Variants in SNX9 observed in about 807,000 individuals in gnomAD.
SNX9 encodes the protein sorting nexin-9.
A neutral mutation model predicts 89.4 loss-of-function variants in SNX9; 44 were observed. The observed-to-expected ratio is 0.49, with a 90% confidence interval of 0.39 to 0.63. SNX9 has a LOEUF of 0.63. SNX9 is among the 30% of genes least tolerant of loss of function. The pLI is 0.00. For missense variants in SNX9, 578 were observed against 736.1 expected (o/e 0.79, Z 2.49); for synonymous variants, 236 against 247.8 (o/e 0.95, Z 0.45).
At chr6:157,902,094 A>C (rs1783112098) in intron 6 of SNX9, 49 bp downstream of exon 6, 1 of 1,580,622 alleles carries the variant, frequency 6.3e-7, no homozygotes, top group South Asian at 1.2e-5. Context: ...AGAAGTATAC[A>C]TTAATACAAA....
chr6:157,923,596 A>G (rs1245137691), intron 10 of SNX9, among the ~76,000 whole-genome samples: 1 of 152,236 alleles, frequency 6.6e-6, no homozygotes, highest in African/African-American at 2.4e-5. Flanking sequence ...TGGACTGGAA[A>G]CAATAAAGAT....
intron 4 of SNX9, among the ~76,000 whole-genome samples, chr6:157,887,041 T>G (rs965976243): frequency 6.6e-6 from 1 of 152,214 alleles, no homozygotes; most frequent in African/African-American, 2.4e-5. Context: ...TTTCCTTGCT[T>G]CTTTTCATGT....
At chr6:157,840,539 T>C (rs1168000290) in intron 1 of SNX9, among the ~76,000 whole-genome samples, 1 of 152,070 alleles carries the variant, frequency 6.6e-6, no homozygotes, top group Non-Finnish European at 1.5e-5. Context: ...AGCTTGCCTT[T>C]ATTACCCAAA....
intron 1 of SNX9, among the ~76,000 whole-genome samples, chr6:157,828,304 A>AT (rs1273102537): frequency 6.6e-6 from 1 of 152,168 alleles, no homozygotes; most frequent in Admixed American, 6.5e-5. Context: ...AAGCATAAAA[A>AT]TGTTGCAGTT....
intron 11 of SNX9, among the ~76,000 whole-genome samples, chr6:157,928,112 A>G (rs1007006648): frequency 2.0e-5 from 3 of 152,196 alleles, no homozygotes; most frequent in African/African-American, 4.8e-5. Flanking sequence ...TTCATCTAAC[A>G]GTATATTGTG....
At chr6:157,864,931 G>A (rs776803526) in intron 1 of SNX9, among the ~76,000 whole-genome samples, 24 of 152,226 alleles carry the variant, frequency 1.6e-4, no homozygotes, top group Non-Finnish European at 2.9e-4. Context: ...GGGAGGCTGA[G>A]GCAGGAGAAT....
At chr6:157,836,052 C>T (rs1781576799) in intron 1 of SNX9, among the ~76,000 whole-genome samples, 1 of 152,198 alleles carries the variant, frequency 6.6e-6, no homozygotes, top group African/African-American at 2.4e-5. Context: ...CTGCCTCAGC[C>T]TCCCAAGTAG....
chr6:157,899,892 A>AGTGTGTGTGTGTGT (rs112378365), intron 5 of SNX9, among the ~76,000 whole-genome samples: 52 of 151,808 alleles, frequency 3.4e-4, no homozygotes, highest in African/African-American at 1.2e-3. Context: ...TGATTACCTA[A>AGTGTGTGTGTGTGT]GTGTGTGTGT....
At chr6:157,865,460 G>A (rs954509375) in intron 1 of SNX9, among the ~76,000 whole-genome samples, 6 of 151,704 alleles carry the variant, frequency 4.0e-5, no homozygotes, top group African/African-American at 1.5e-4. Context: ...CCTGAGGGGA[G>A]CCGTCCTGCT....
intron 15 of SNX9, 51 bp from the exon 16 acceptor site, chr6:157,938,582 A>T (rs762567786): frequency 1.6e-6 from 2 of 1,214,484 alleles, no homozygotes; most frequent in African/African-American, 1.5e-5. Context: ...TTTTAAACTA[A>T]TGACTAATCA....
chr6:157,889,520 A>G (rs1782812523), intron 4 of SNX9, among the ~76,000 whole-genome samples: 1 of 152,136 alleles, frequency 6.6e-6, no homozygotes, highest in African/African-American at 2.4e-5. Flanking sequence ...GGTTTTGAAA[A>G]AAGTCAAGAT....
chr6:157,834,535 A>G (rs928105291), intron 1 of SNX9, among the ~76,000 whole-genome samples: 1 of 149,746 alleles, frequency 6.7e-6, no homozygotes, highest in Non-Finnish European at 1.5e-5. Flanking sequence ...TTTTTTCTTT[A>G]GTAGAATTGA....
chr6:157,847,672 G>A (rs537651070), intron 1 of SNX9, among the ~76,000 whole-genome samples: 1 of 152,124 alleles, frequency 6.6e-6, no homozygotes, highest in East Asian at 1.9e-4. Flanking sequence ...CGTGGGCCCA[G>A]GAAGGAGGGA....
intron 10 of SNX9, 93 bp from the exon 11 acceptor site, chr6:157,927,012 GAAAGAT>G: frequency 1.2e-6 from 1 of 852,224 alleles, no homozygotes; most frequent in Non-Finnish European, 1.9e-6. Context: ...CTGAAAATTA[GAAAGAT>G]AAAGGTGATA....
At chr6:157,922,343 C>G (rs1783600092) in intron 10 of SNX9, among the ~76,000 whole-genome samples, 1 of 152,236 alleles carries the variant, frequency 6.6e-6, no homozygotes, top group South Asian at 2.1e-4. Context: ...CAATTTCTCT[C>G]AACAAATACT....
At chr6:157,928,826 G>T in intron 12 of SNX9, 124 bp downstream of exon 12, 1 of 660,516 alleles carries the variant, frequency 1.5e-6, no homozygotes. Context: ...CGGCAGTAAT[G>T]TCCCTCCTGT....
intron 9 of SNX9, among the ~76,000 whole-genome samples, chr6:157,920,819 A>G (rs1783568023): frequency 1.3e-5 from 2 of 152,184 alleles, no homozygotes; most frequent in African/African-American, 4.8e-5. Flanking sequence ...TTGTTATGCT[A>G]TTCTTGTCAA....
chr6:157,886,123 G>T (rs1782731479), intron 4 of SNX9, among the ~76,000 whole-genome samples: 1 of 151,808 alleles, frequency 6.6e-6, no homozygotes, highest in East Asian at 1.9e-4. Context: ...CTTCCTCTTG[G>T]GCCATGTCTT....
intron 1 of SNX9, among the ~76,000 whole-genome samples, chr6:157,851,101 C>A (rs2115120969): frequency 6.6e-6 from 1 of 151,448 alleles, no homozygotes; most frequent in Admixed American, 6.6e-5. Flanking sequence ...ACTAAAAATA[C>A]AAAAAAATTA....
Sources: gnomAD v4.1 joint callset for allele counts (sites outside exome capture counted in the v4.1 genomes callset) on GRCh38, gnomAD v4.1.1 for gene constraint, MANE v1.5 for transcripts, NCBI Gene and HGNC (gene_info 2026-07-23, HGNC 2026-07-21) for gene names.